GABRA4: variants seen among roughly 807,000 people sequenced by gnomAD.
The protein encoded by GABRA4 is gamma-aminobutyric acid type A receptor subunit alpha4.
GABRA4 carries 12 observed loss-of-function variants against 49.7 expected under a neutral mutation model. The observed-to-expected ratio is 0.24, with a 90% CI of 0.15 to 0.39. The LOEUF is 0.39. Among genes scored for constraint, GABRA4 ranks in the 10% least tolerant of loss-of-function variants. GABRA4 has a pLI of 1.00. For synonymous variants in GABRA4, 288 were observed against 240.2 expected, an observed-to-expected ratio of 1.20 and a Z score of -1.84; for missense variants, 506 against 686.0, an observed-to-expected ratio of 0.74 and a Z score of 2.93.
chr4:46,990,217 T>C (rs146912817), intron 2 of GABRA4, among the ~76,000 whole-genome samples: 1 of 152,358 alleles, frequency 6.6e-6, no homozygotes, highest in African/African-American at 2.4e-5. Context: ...AATTCGACCC[T>C]TTCCCATAAA....
At chr4:46,989,331 C>T (rs1291838029) in intron 2 of GABRA4, among the ~76,000 whole-genome samples, 2 of 152,136 alleles carry the variant, frequency 1.3e-5, no homozygotes, top group Non-Finnish European at 2.9e-5. Flanking sequence ...TTTCTGGCTC[C>T]TTTGTGGAAG....
At chr4:46,964,227 G>C (rs936507054) in intron 8 of GABRA4, among the ~76,000 whole-genome samples, 1 of 151,766 alleles carries the variant, frequency 6.6e-6, no homozygotes, top group Admixed American at 6.6e-5. Context: ...TTGAACTCAT[G>C]AACATAGAGG....
intron 2 of GABRA4, among the ~76,000 whole-genome samples, chr4:46,981,793 G>A (rs1723366092): frequency 6.6e-6 from 1 of 152,136 alleles, no homozygotes; most frequent in Non-Finnish European, 1.5e-5. Context: ...TTCCTGATTT[G>A]CAGTCATAGC....
rs2109351282 is a variant in GABRA4 at position 46,944,464 on chromosome 4, C to T, written c.1135-15709G>A. Among the ~76,000 whole-genome samples, 3 of 152,174 alleles carry T rather than the reference C, an allele frequency of 2.0e-5. No individual in the cohort carries two copies. The East Asian group carries it at 5.8e-4, about 30-fold the overall frequency. ...TTCTTCTTTTCCTTCTCACTTCCCTCACAGTGCTTCTTGAGAACACCTTAA... is the reference window on the plus strand; with the variant it reads ...TTCTTCTTTTCCTTCTCACTTCCCTTACAGTGCTTCTTGAGAACACCTTAA... On this transcript the variant is annotated intron_variant, in intron 8 of 8. Coordinates refer to ENST00000264318, the MANE Select transcript of GABRA4 (RefSeq NM_000809.4).
chr4:46,957,129 A>G (rs1271758123), intron 8 of GABRA4, among the ~76,000 whole-genome samples: 1 of 151,976 alleles, frequency 6.6e-6, no homozygotes, highest in Non-Finnish European at 1.5e-5. Context: ...GACATAACTT[A>G]ATCCTTATTA....
intron 8 of GABRA4, 104 bp downstream of exon 8, chr4:46,964,866 A>C: frequency 8.2e-7 from 1 of 1,220,350 alleles, no homozygotes. Flanking sequence ...TAAATGACTT[A>C]CAAGTTGATA....
intron 8 of GABRA4, among the ~76,000 whole-genome samples, chr4:46,939,368 A>T (rs1721713997): frequency 6.6e-6 from 1 of 152,038 alleles, no homozygotes; most frequent in Non-Finnish European, 1.5e-5. Context: ...TTGAGCCCTT[A>T]ATATGGGCCA....
intron 8 of GABRA4, among the ~76,000 whole-genome samples, chr4:46,951,083 T>C (rs1722157875): frequency 6.6e-6 from 1 of 151,974 alleles, no homozygotes. Context: ...GCCAGTGGAA[T>C]ACAGGAATAG....
At position 46,979,130 on chromosome 4, in the gene GABRA4, A is replaced by T. The variant is rs763177299; in HGVS notation, c.206-32T>A. 1.8e-5 allele frequency: 24 copies of T among 1,320,474 alleles called. No individual in the cohort carries two copies. In the Admixed American group the frequency reaches 4.1e-4, roughly 23 times the overall value. The allele number at this position is 1,320,474 out of a possible 1,614,324, so 81.8% of individuals were successfully genotyped here. A position where few individuals can be genotyped will look rare whatever the true frequency, so the allele number is the denominator to read the frequency against. ...GGTATGAAGTAAATAAGTGTGAAAA[A>T]ATAATTACCAATTTTACAGGCTGGG... is the stretch of plus-strand genomic sequence containing the variant. On this transcript the variant is annotated intron_variant, in intron 2 of 8. Coordinates refer to ENST00000264318, the MANE Select transcript of GABRA4 (RefSeq NM_000809.4).
intron 5 of GABRA4, among the ~76,000 whole-genome samples, chr4:46,975,866 T>G (rs938150969): frequency 1.3e-5 from 2 of 151,970 alleles, no homozygotes; most frequent in Non-Finnish European, 2.9e-5. Context: ...CTTCTCTCAT[T>G]AAATTATTGG....
At chr4:46,938,001 T>G (rs1471281475) in intron 8 of GABRA4, among the ~76,000 whole-genome samples, 3 of 152,162 alleles carry the variant, frequency 2.0e-5, no homozygotes, top group African/African-American at 7.2e-5. Flanking sequence ...TTTCAAAGCA[T>G]GCATTTGTTT....
chr4:46,983,217 T>C (rs981943702), intron 2 of GABRA4, among the ~76,000 whole-genome samples: 1 of 152,114 alleles, frequency 6.6e-6, no homozygotes, highest in African/African-American at 2.4e-5. Context: ...AATTATTAAT[T>C]ACTTAAGCAA....
intron 2 of GABRA4, among the ~76,000 whole-genome samples, chr4:46,987,795 T>C (rs1723593641): frequency 6.6e-6 from 1 of 152,132 alleles, no homozygotes; most frequent in Non-Finnish European, 1.5e-5. Context: ...TACTTCCTTT[T>C]CTAAGTCTTC....
intron 8 of GABRA4, among the ~76,000 whole-genome samples, chr4:46,941,602 A>G (rs1375677854): frequency 6.6e-6 from 1 of 152,136 alleles, no homozygotes. Flanking sequence ...AGAATTGTCC[A>G]TTATTTCTAT....
chr4:46,951,945 GC>G (rs1402690755), intron 8 of GABRA4, among the ~76,000 whole-genome samples: 2 of 151,896 alleles, frequency 1.3e-5, no homozygotes, highest in Non-Finnish European at 2.9e-5. Context: ...CCTAAGAATG[GC>G]CTTCTCTCTC....
Position 46,919,955 on chromosome 4 carries a change from C to T in GABRA4, c.*8270G>A, listed in dbSNP as rs1283914277. ...CATATAACCTTACCTTATCAACCAA[C>T]AATTATTTTTCTGCCCCTTGAAAAA... On this transcript the variant is annotated 3_prime_UTR_variant, in exon 9 of 9. Coordinates refer to ENST00000264318, the MANE Select transcript of GABRA4 (RefSeq NM_000809.4). 6.6e-6 allele frequency: 1 copy of T among 151,664 alleles called. No individual in the cohort carries two copies. Among genetic ancestry groups the T allele is most frequent in the Non-Finnish European group, 1.5e-5 (1 of 67,686 alleles). 9.4% of individuals were successfully genotyped at this position (151,664 alleles called of 1,614,324 possible).
intron 2 of GABRA4, among the ~76,000 whole-genome samples, chr4:46,979,669 G>C (rs1723280163): frequency 6.6e-6 from 1 of 152,072 alleles, no homozygotes; most frequent in African/African-American, 2.4e-5. Context: ...CCACCTACTA[G>C]CTGTACAATC....
chr4:46,947,729 G>A (rs1478539716), intron 8 of GABRA4, among the ~76,000 whole-genome samples: 1 of 152,048 alleles, frequency 6.6e-6, no homozygotes, highest in Admixed American at 6.6e-5. Context: ...AAGAGGCAGA[G>A]TCATTATTTG....
chr4:46,955,780 C>A (rs1295257604), intron 8 of GABRA4, among the ~76,000 whole-genome samples: 2 of 152,034 alleles, frequency 1.3e-5, no homozygotes, highest in Admixed American at 6.6e-5. Context: ...AGTAAGTATA[C>A]TTGAATACTT....
Sources: allele counts gnomAD v4.1 joint callset (sites outside exome capture counted in the v4.1 genomes callset), GRCh38; gene constraint gnomAD v4.1.1; transcripts MANE v1.5; gene names NCBI Gene and HGNC (gene_info 2026-07-23, HGNC 2026-07-21).